Variants in SORCS3 observed in about 807,000 individuals in gnomAD.
SORCS3 encodes VPS10 domain-containing receptor SorCS3.
In SORCS3, 57 loss-of-function variants were observed where a neutral mutation model predicts 146.3. The observed-to-expected ratio is 0.39, with a 90% CI of 0.31 to 0.49. SORCS3 has a LOEUF of 0.49. Ranked by LOEUF, SORCS3 falls within the 20% of genes least tolerant of loss-of-function variation. The pLI is 0.92. For missense variants in SORCS3, 1,341 were observed against 1,575.5 expected, an observed-to-expected ratio of 0.85 and a Z score of 2.52; for synonymous variants, 653 against 618.5, an observed-to-expected ratio of 1.06 and a Z score of -0.83.
rs377087155 is a variant in SORCS3 at position 105,019,852 on chromosome 10, A to G, written c.955-23203A>G. ...AAATGAGTGAATAAGTGAATAAATAAAGAAAATGTAATTATTGCTGAATTA... is the reference window on the plus strand; with the variant it reads ...AAATGAGTGAATAAGTGAATAAATAGAGAAAATGTAATTATTGCTGAATTA... On this transcript the variant is annotated intron_variant, in intron 4 of 26. Transcript: ENST00000369701. 7.2e-5 allele frequency among the ~76,000 whole-genome samples: 11 copies of G among 152,354 alleles called. No homozygotes were observed. In the East Asian group the frequency reaches 1.5e-3, roughly 21 times the overall value.
At chr10:104,989,130 G>A (rs761879116) in intron 4 of SORCS3, among the ~76,000 whole-genome samples, 5 of 152,176 alleles carry the variant, frequency 3.3e-5, no homozygotes, top group African/African-American at 9.6e-5. Context: ...TTTCATTGCC[G>A]TATAATATAT....
chr10:104,701,781 A>G (rs1589464058), intron 1 of SORCS3, among the ~76,000 whole-genome samples: 1 of 152,208 alleles, frequency 6.6e-6, no homozygotes, highest in East Asian at 1.9e-4. Context: ...CTAAGCAGGT[A>G]TCAAGTATTG....
chr10:105,250,358 T>G (rs960257322), intron 22 of SORCS3, among the ~76,000 whole-genome samples: 1 of 152,148 alleles, frequency 6.6e-6, no homozygotes, highest in Admixed American at 6.5e-5. Context: ...TTATGTATGG[T>G]TACGTTCATT....
At chr10:104,799,632 G>A (rs1331395813) in intron 1 of SORCS3, among the ~76,000 whole-genome samples, 3 of 152,068 alleles carry the variant, frequency 2.0e-5, no homozygotes, top group Admixed American at 1.3e-4. Context: ...ACCAGGGCAC[G>A]TGTATACCTA....
intron 20 of SORCS3, among the ~76,000 whole-genome samples, chr10:105,227,331 ATTTC>A (rs1357157706): frequency 6.6e-6 from 1 of 151,966 alleles, no homozygotes; most frequent in Non-Finnish European, 1.5e-5. Flanking sequence ...ATATCATTTA[ATTTC>A]TATGTATTTG....
intron 1 of SORCS3, among the ~76,000 whole-genome samples, chr10:104,780,237 C>T (rs1457806662): frequency 2.0e-5 from 3 of 151,666 alleles, no homozygotes; most frequent in East Asian, 3.9e-4. Flanking sequence ...GCACGCCACA[C>T]GTTCAGCGGC....
intron 4 of SORCS3, among the ~76,000 whole-genome samples, chr10:105,024,118 T>C (rs2055213128): frequency 6.6e-6 from 1 of 152,194 alleles, no homozygotes; most frequent in African/African-American, 2.4e-5. Flanking sequence ...TGTGCAATAA[T>C]GTTCATGTCA....
rs768332557 is a variant in SORCS3, at chr10:105,129,333, T to TCTCTCTC, written c.1213-10064_1213-10063insCTCTCTC. Reference sequence around the variant, plus strand: ...TTCTCTTTTCTTTCTTTCTTTCTCTTTTTTTTTTTTTTTTTTTTTTTTTTA... The same window carrying TCTCTCTC: ...TTCTCTTTTCTTTCTTTCTTTCTCTTCTCTCTCTTTTTTTTTTTTTTTTTTTTTTTTA... On this transcript the variant is annotated intron_variant, in intron 7 of 26. Coordinates refer to ENST00000369701, the MANE Select transcript of SORCS3 (RefSeq NM_014978.3). 4.9e-3 allele frequency among the ~76,000 whole-genome samples: 293 copies of TCTCTCTC among 60,200 alleles called. 4 individuals are homozygous for TCTCTCTC. The highest frequency in any genetic ancestry group is 8.5e-3 in the Middle Eastern group (1 of 118). 39.5% of individuals were successfully genotyped at this position (60,200 alleles called of 152,430 possible). A position where few individuals can be genotyped will look rare whatever the true frequency, so the allele number is the denominator to read the frequency against.
intron 1 of SORCS3, among the ~76,000 whole-genome samples, chr10:104,827,712 A>G (rs891234621): frequency 1.3e-5 from 2 of 152,172 alleles, no homozygotes; most frequent in Non-Finnish European, 2.9e-5. Context: ...CTCTCTAACT[A>G]TGAAAGTCCC....
intron 1 of SORCS3, among the ~76,000 whole-genome samples, chr10:104,783,775 A>G (rs1309642580): frequency 1.3e-5 from 2 of 152,198 alleles, no homozygotes; most frequent in East Asian, 3.9e-4. Context: ...ATGAAGTTGG[A>G]GGCTCAAAGA....
intron 1 of SORCS3, among the ~76,000 whole-genome samples, chr10:104,712,747 C>T (rs1208057302): frequency 6.6e-6 from 1 of 152,158 alleles, no homozygotes; most frequent in African/African-American, 2.4e-5. Context: ...AACATAGGAA[C>T]CCTCTTTCCA....
In SORCS3 at chr10:104,673,914, G is replaced by T. The variant is rs550216541; in HGVS notation, c.627+31960G>T. 3.1e-4 allele frequency among the ~76,000 whole-genome samples: 47 copies of T among 152,226 alleles called. No individual in the cohort carries two copies. In the South Asian group the frequency reaches 6.6e-3, roughly 21 times the overall value. ...GCTCTATCTTCACCCCTTTTGGTTG[G>T]TGATGCCATAATTACATCTTTATAC... is the stretch of plus-strand genomic sequence containing the variant. On this transcript the variant is annotated intron_variant, in intron 1 of 26. Transcript: ENST00000369701.
chr10:104,669,531 C>T (rs936833647), intron 1 of SORCS3, among the ~76,000 whole-genome samples: 1 of 152,176 alleles, frequency 6.6e-6, no homozygotes, highest in African/African-American at 2.4e-5. Flanking sequence ...GCATGATGCC[C>T]TCAAGGTTCA....
At chr10:105,043,962 A>C (rs1306177597) in intron 5 of SORCS3, among the ~76,000 whole-genome samples, 1 of 152,130 alleles carries the variant, frequency 6.6e-6, no homozygotes, top group Non-Finnish European at 1.5e-5. Context: ...ATAACATGAA[A>C]ATGATTCTTA....
chr10:104,745,319 C>G (rs2016894660), intron 1 of SORCS3, among the ~76,000 whole-genome samples: 1 of 152,058 alleles, frequency 6.6e-6, no homozygotes, highest in Non-Finnish European at 1.5e-5. Context: ...GAAAGATGAA[C>G]AGAGGGGATA....
At chr10:104,947,458 C>G (rs1020991784) in intron 3 of SORCS3, among the ~76,000 whole-genome samples, 3 of 152,056 alleles carry the variant, frequency 2.0e-5, no homozygotes, top group African/African-American at 7.2e-5. Context: ...ACAATAAATT[C>G]AAAAGCACAA....
chr10:105,115,734 AT>A (rs562196647), intron 7 of SORCS3, among the ~76,000 whole-genome samples: 190 of 152,282 alleles, frequency 1.2e-3, no homozygotes, highest in African/African-American at 4.4e-3. Context: ...TGGCTACTGT[AT>A]CCCCAGTAAA....
At chr10:104,722,407 G>A (rs566030147) in intron 1 of SORCS3, among the ~76,000 whole-genome samples, 332 of 152,148 alleles carry the variant, frequency 2.2e-3, no homozygotes, top group Non-Finnish European at 3.9e-3. Flanking sequence ...TTTTTGCATC[G>A]ATGTTCATCA....
chr10:104,898,827 AT>A (rs2018823824), intron 2 of SORCS3, among the ~76,000 whole-genome samples: 1 of 152,058 alleles, frequency 6.6e-6, no homozygotes, highest in Non-Finnish European at 1.5e-5. Flanking sequence ...CAGAGCCCCT[AT>A]TTTTCCCCCC....
Sources: gnomAD v4.1 joint callset for allele counts (sites outside exome capture counted in the v4.1 genomes callset) on GRCh38, gnomAD v4.1.1 for gene constraint, MANE v1.5 for transcripts, NCBI Gene and HGNC (gene_info 2026-07-23, HGNC 2026-07-21) for gene names.